ZDHHC21: variants seen among roughly 807,000 people sequenced by gnomAD.
ZDHHC21 encodes zDHHC palmitoyltransferase 21, also known as palmitoyltransferase ZDHHC21.
In ZDHHC21, 15 loss-of-function variants were observed where a neutral mutation model predicts 34.6. The observed-to-expected ratio is 0.43, with a 90% confidence interval of 0.29 to 0.67. The LOEUF is 0.67. Among genes scored for constraint, ZDHHC21 ranks in the 30% least tolerant of loss-of-function variants. ZDHHC21 has a pLI of 0.14. For missense variants in ZDHHC21, 344 were observed against 327.7 expected (o/e 1.05, Z -0.38); for synonymous variants, 142 against 101.8 (o/e 1.40, Z -2.38).
chr9:14,676,009 A>C (rs1342329232), intron 3 of ZDHHC21, among the ~76,000 whole-genome samples: 1 of 152,016 alleles, frequency 6.6e-6, no homozygotes, highest in Non-Finnish European at 1.5e-5. Flanking sequence ...GGCCTATATC[A>C]TGAAGGACAT....
At chr9:14,664,288 GC>G (rs1833967284) in intron 5 of ZDHHC21, among the ~76,000 whole-genome samples, 1 of 152,162 alleles carries the variant, frequency 6.6e-6, no homozygotes, top group Non-Finnish European at 1.5e-5. Flanking sequence ...CCCTAATACT[GC>G]GCTTTTCAGA....
At chr9:14,619,366 T>C (rs756481930) in intron 9 of ZDHHC21, among the ~76,000 whole-genome samples, 7 of 152,144 alleles carry the variant, frequency 4.6e-5, no homozygotes, top group Non-Finnish European at 1.0e-4. Context: ...AACAACACAG[T>C]AGCAAATCTC....
At chr9:14,658,677 T>A (rs1428155611) in intron 7 of ZDHHC21, 72 bp downstream of exon 7, 2 of 1,288,818 alleles carry the variant, frequency 1.6e-6, no homozygotes, top group Non-Finnish European at 2.2e-6. Flanking sequence ...TTCACCGTGT[T>A]AGCCAGGATG....
intron 1 of ZDHHC21, among the ~76,000 whole-genome samples, chr9:14,690,907 CTAT>C (rs1005683901): frequency 1.3e-5 from 2 of 152,000 alleles, no homozygotes; most frequent in African/African-American, 4.8e-5. Flanking sequence ...GCTAAATTGC[CTAT>C]TATATTTAAT....
intron 1 of ZDHHC21, 38 bp from the exon 2 acceptor site, chr9:14,690,423 G>A (rs1398164300): frequency 2.9e-5 from 13 of 445,818 alleles, no homozygotes; most frequent in South Asian, 1.3e-4. Flanking sequence ...TCAGAAGCTT[G>A]GTTGACATCA....
intron 8 of ZDHHC21, 25 bp downstream of exon 8, chr9:14,639,871 T>C (rs1389468589): frequency 7.6e-7 from 1 of 1,307,316 alleles, no homozygotes; most frequent in Non-Finnish European, 1.1e-6. Flanking sequence ...TCATAAATGT[T>C]ACTTTACATT....
At chr9:14,663,551 C>A (rs1384015209) in intron 5 of ZDHHC21, among the ~76,000 whole-genome samples, 4 of 45,466 alleles carry the variant, frequency 8.8e-5, no homozygotes, top group Non-Finnish European at 1.4e-4. Flanking sequence ...TCTTTTTTTT[C>A]TTCTTTTTTA....
chr9:14,596,476 G>GT, the ZDHHC21 span, among the ~76,000 whole-genome samples: 1 of 152,226 alleles, frequency 6.6e-6, no homozygotes, highest in East Asian at 1.9e-4. Context: ...TGCTGCTTGT[G>GT]TGTGTTGTTG....
Position 14,616,913 on chromosome 9 carries a change from G to C in ZDHHC21, c.*2053C>G, listed in dbSNP as rs1262128287. 1 of 151,774 alleles carries C rather than the reference G, an allele frequency of 6.6e-6. No individual in the cohort carries two copies. Among genetic ancestry groups the C allele is most frequent in the Non-Finnish European group, 1.5e-5 (1 of 67,818 alleles). The allele number at this position is 151,774 out of a possible 1,614,324, so 9.4% of individuals were successfully genotyped here. A position where few individuals can be genotyped will look rare whatever the true frequency, so the allele number is the denominator to read the frequency against. ...TATGCCCTAGATGAGGTAAATCTAG[G>C]AAAAATAAGAGCACAAATCATCAGA... is the stretch of plus-strand genomic sequence containing the variant. On this transcript the variant is annotated 3_prime_UTR_variant, in exon 10 of 10. Coordinates refer to ENST00000380916, the MANE Select transcript of ZDHHC21 (RefSeq NM_178566.6).
intron 2 of ZDHHC21, among the ~76,000 whole-genome samples, chr9:14,681,670 T>C (rs1837397274): frequency 6.6e-6 from 1 of 151,652 alleles, no homozygotes; most frequent in Non-Finnish European, 1.5e-5. Flanking sequence ...GTTAACCCCG[T>C]GAGAAATGAT....
intron 7 of ZDHHC21, among the ~76,000 whole-genome samples, chr9:14,648,424 C>T (rs1256226405): frequency 2.0e-5 from 3 of 152,042 alleles, no homozygotes; most frequent in African/African-American, 7.2e-5. Flanking sequence ...AGTCCAATCA[C>T]AGCCCTTACT....
chr9:14,684,614 ATGGCCATAC>A (rs1469168809), intron 2 of ZDHHC21, among the ~76,000 whole-genome samples: 3 of 151,938 alleles, frequency 2.0e-5, no homozygotes, highest in Non-Finnish European at 4.4e-5. Flanking sequence ...TATCATGAAA[ATGGCCATAC>A]TGCCCAAGGT....
chr9:14,617,179 CT>C lies in ZDHHC21; in HGVS notation c.*1786del, dbSNP rs568268281. ...AATTAGCTTGCACAAAATCCAAACCCTTGTGCCTGACATGAACATTCTAATT... is the reference window on the plus strand; with the variant it reads ...AATTAGCTTGCACAAAATCCAAACCCTGTGCCTGACATGAACATTCTAATT... On this transcript the variant is annotated 3_prime_UTR_variant, in exon 10 of 10. Coordinates refer to ENST00000380916, the MANE Select transcript of ZDHHC21 (RefSeq NM_178566.6). 6.8e-4 allele frequency: 104 copies of C among 152,078 alleles called. No individual in the cohort carries two copies. Among genetic ancestry groups the C allele is most frequent in the African/African-American group, 2.3e-3 (96 of 41,552 alleles). The allele number at this position is 152,078 out of a possible 1,614,324, so 9.4% of individuals were successfully genotyped here.
At chr9:14,622,395 T>G in intron 8 of ZDHHC21, 2 of 256,782 alleles carry the variant, frequency 7.8e-6, no homozygotes, top group Non-Finnish European at 1.2e-5. Context: ...AGTAGTAAAA[T>G]TATACCTGGA....
the ZDHHC21 span, among the ~76,000 whole-genome samples, chr9:14,603,394 T>A: frequency 6.6e-6 from 1 of 152,124 alleles, no homozygotes; most frequent in Non-Finnish European, 1.5e-5. Flanking sequence ...CTGAAATTTT[T>A]AAGATAACCA....
At chr9:14,622,646 G>C in intron 8 of ZDHHC21, 1 of 984,930 alleles carries the variant, frequency 1.0e-6, no homozygotes, top group Non-Finnish European at 1.2e-6. Flanking sequence ...TGCCACATAT[G>C]TTGTCATACA....
At chr9:14,674,604 T>C (rs898001430) in intron 3 of ZDHHC21, among the ~76,000 whole-genome samples, 2 of 152,060 alleles carry the variant, frequency 1.3e-5, no homozygotes, top group Non-Finnish European at 1.5e-5. Context: ...AATTTTATCA[T>C]AAGCTTCAAA....
rs1824048249 is a variant in ZDHHC21, at chr9:14,615,770, TAGG to T, written c.*3193_*3195del. 1 of 151,722 alleles carries T rather than the reference TAGG, an allele frequency of 6.6e-6. No homozygotes were observed. The allele number at this position is 151,722 out of a possible 1,614,324, so 9.4% of individuals were successfully genotyped here. On this transcript the variant is annotated 3_prime_UTR_variant, in exon 10 of 10. Coordinates refer to ENST00000380916, the MANE Select transcript of ZDHHC21 (RefSeq NM_178566.6). ...TTAAGGAGGTGTAACTTACAGTATC[TAGG>T]TAAAAACCTTTCATTTCCAGAAGGT...
At chr9:14,619,961 A>T (rs980271907) in intron 8 of ZDHHC21, among the ~76,000 whole-genome samples, 1 of 152,004 alleles carries the variant, frequency 6.6e-6, no homozygotes, top group Admixed American at 6.6e-5. Flanking sequence ...ACCTTTTATT[A>T]CACTTGCTTT....
Sources: gnomAD v4.1 joint callset for allele counts (sites outside exome capture counted in the v4.1 genomes callset) on GRCh38, gnomAD v4.1.1 for gene constraint, MANE v1.5 for transcripts, NCBI Gene and HGNC (gene_info 2026-07-23, HGNC 2026-07-21) for gene names.